Variants in HGSNAT observed in about 807,000 individuals in gnomAD.
HGSNAT encodes the protein heparan-alpha-glucosaminide N-acetyltransferase.
HGSNAT carries 59 observed loss-of-function variants against 85.2 expected under a neutral mutation model. The ratio of observed to expected loss-of-function variants is 0.69; its 90% CI spans 0.56 to 0.86. HGSNAT has a LOEUF of 0.86. Among genes scored for constraint, HGSNAT ranks in the 40% least tolerant of loss-of-function variants. HGSNAT has a pLI of 0.00. For synonymous variants in HGSNAT, 321 were observed against 304.5 expected (o/e 1.05, Z -0.56); for missense variants, 756 against 777.1 (o/e 0.97, Z 0.32).
At chr8:43,144,829 A>C (rs1802662363) in intron 1 of HGSNAT, among the ~76,000 whole-genome samples, 1 of 152,332 alleles carries the variant, frequency 6.6e-6, no homozygotes, top group African/African-American at 2.4e-5. Flanking sequence ...AAGAGAGGTT[A>C]GGGGTACTGG....
chr8:43,188,603 C>T (rs531720973), intron 11 of HGSNAT, among the ~76,000 whole-genome samples: 17 of 152,232 alleles, frequency 1.1e-4, no homozygotes, highest in South Asian at 8.3e-4. Flanking sequence ...TCCTTTAGCT[C>T]GGAGAAGTTT....
intron 1 of HGSNAT, among the ~76,000 whole-genome samples, 164 bp downstream of exon 1, chr8:43,140,778 C>T (rs1340368001): frequency 6.6e-6 from 1 of 151,968 alleles, no homozygotes; most frequent in East Asian, 1.9e-4. Flanking sequence ...CGCCCCAGAC[C>T]GGAGGCCGGA....
chr8:43,190,937 A>T (rs1347498620), intron 11 of HGSNAT, among the ~76,000 whole-genome samples: 1 of 152,046 alleles, frequency 6.6e-6, no homozygotes, highest in Non-Finnish European at 1.5e-5. Flanking sequence ...GCCCCAGGCA[A>T]CCCCAGCCTA....
chr8:43,192,814 T>A (rs989006148), intron 13 of HGSNAT, among the ~76,000 whole-genome samples: 1 of 151,360 alleles, frequency 6.6e-6, no homozygotes. Flanking sequence ...ATTGTGTAAA[T>A]GATCATAGCA....
chr8:43,188,099 G>A (rs1481235767), intron 11 of HGSNAT, among the ~76,000 whole-genome samples: 2 of 151,952 alleles, frequency 1.3e-5, no homozygotes, highest in Non-Finnish European at 2.9e-5. Flanking sequence ...TTCAACTTTG[G>A]TGAATCTGAC....
At chr8:43,184,806 T>C (rs550517668) in intron 11 of HGSNAT, among the ~76,000 whole-genome samples, 6 of 152,340 alleles carry the variant, frequency 3.9e-5, no homozygotes, top group Middle Eastern at 3.4e-3. Flanking sequence ...TGTGAATTAA[T>C]TTTTGTATAA....
At chr8:43,181,998 C>T (rs1039130734) in intron 10 of HGSNAT, 147 bp from the exon 11 acceptor site, 13 of 698,736 alleles carry the variant, frequency 1.9e-5, no homozygotes, top group African/African-American at 3.5e-5. Context: ...GTCTCTTGAC[C>T]GTATATATTT....
Position 43,196,959 on chromosome 8 carries a change from A to C in HGSNAT, c.1476A>C (p.Ile492=). 6.2e-7 allele frequency: 1 copy of C among 1,606,266 alleles called. No homozygotes were observed. Among genetic ancestry groups the C allele is most frequent in the Non-Finnish European group, 8.5e-7 (1 of 1,172,996 alleles). ...GTTATCTCCTCCAGGCAGGAAAAATACTATTGTATTACAAGGCTCGGACCA... is the reference window on the plus strand; with the variant it reads ...GTTATCTCCTCCAGGCAGGAAAAATCCTATTGTATTACAAGGCTCGGACCA... ...MAFLGVQAGK[I]LLYYKARTKD... is the part of the protein sequence containing the mutation. The change falls in exon 15 of 18, where the codon ATA becomes ATC. Residue 492 remains isoleucine (I), a synonymous_variant. Coordinates refer to ENST00000379644, the MANE Select transcript of HGSNAT (RefSeq NM_152419.3).
At chr8:43,169,078 A>G in intron 5 of HGSNAT, 95 bp from the exon 6 acceptor site, 1 of 630,074 alleles carries the variant, frequency 1.6e-6, no homozygotes. Context: ...AGTAATATAG[A>G]ATATGAGCTT....
At chr8:43,146,553 A>C (rs1437697926) in intron 1 of HGSNAT, among the ~76,000 whole-genome samples, 2 of 152,246 alleles carry the variant, frequency 1.3e-5, no homozygotes, top group Non-Finnish European at 2.9e-5. Flanking sequence ...AAGTGGGGAA[A>C]ATACCTAGCT....
At chr8:43,183,647 A>T (rs534216599) in intron 11 of HGSNAT, among the ~76,000 whole-genome samples, 7 of 151,620 alleles carry the variant, frequency 4.6e-5, no homozygotes, top group African/African-American at 7.3e-5. Context: ...ATTTTTTTTT[A>T]AATTATCCTT....
intron 2 of HGSNAT, among the ~76,000 whole-genome samples, chr8:43,148,634 C>CA (rs1432191388): frequency 6.7e-6 from 1 of 149,156 alleles, no homozygotes; most frequent in African/African-American, 2.5e-5. Flanking sequence ...TTAAAAAATA[C>CA]AAAAAATTAC....
In HGSNAT at chr8:43,175,582, T is replaced by C. The variant is rs942383317; in HGVS notation, c.851+1839T>C. Among the ~76,000 whole-genome samples, 11 of 146,358 alleles carry C rather than the reference T, an allele frequency of 7.5e-5. No individual in the cohort carries two copies. In the East Asian group the frequency reaches 9.8e-4, roughly 13 times the overall value. ...CTTTTTTTTTTTTTTTTTTTTTTTT[T>C]CAAGATGAAGTCTTGCTCTGTAGCC... On this transcript the variant is annotated intron_variant, in intron 9 of 17. Coordinates refer to ENST00000379644, the MANE Select transcript of HGSNAT (RefSeq NM_152419.3).
chr8:43,172,544 G>C (rs1225798607), intron 8 of HGSNAT, among the ~76,000 whole-genome samples, 158 bp downstream of exon 8: 2 of 152,214 alleles, frequency 1.3e-5, no homozygotes, highest in African/African-American at 4.8e-5. Context: ...GTGACCTGTA[G>C]ATGATTCTGC....
intron 9 of HGSNAT, among the ~76,000 whole-genome samples, chr8:43,175,296 T>G (rs991572252): frequency 1.3e-5 from 2 of 152,302 alleles, no homozygotes; most frequent in Middle Eastern, 3.4e-3. Context: ...TTGAGGAACC[T>G]CTAACCTATT....
Position 43,199,653 on chromosome 8 carries a change from C to A in HGSNAT, c.*84C>A. The stretch of plus-strand genomic sequence containing the variant: ...GCAGCCTTTGTTAAAGGGAAGCATT[C>A]ATTAGGAAATTGACTGGCTGCGTGT... On this transcript the variant is annotated 3_prime_UTR_variant, in exon 18 of 18. Transcript: ENST00000379644. 9.2e-7 allele frequency: 1 copy of A among 1,083,250 alleles called. No homozygotes were observed. The highest frequency in any genetic ancestry group is 1.3e-6 in the Non-Finnish European group (1 of 795,536). The allele number at this position is 1,083,250 out of a possible 1,614,324, so 67.1% of individuals were successfully genotyped here. A position where few individuals can be genotyped will look rare whatever the true frequency, so the allele number is the denominator to read the frequency against.
intron 1 of HGSNAT, among the ~76,000 whole-genome samples, chr8:43,143,632 G>A (rs1432373840): frequency 2.0e-5 from 3 of 151,832 alleles, no homozygotes; most frequent in African/African-American, 7.3e-5. Context: ...CCGCCTCCTG[G>A]GTTCACACCA....
At chr8:43,152,708 C>T (rs938766531) in intron 2 of HGSNAT, among the ~76,000 whole-genome samples, 2 of 151,726 alleles carry the variant, frequency 1.3e-5, no homozygotes, top group Non-Finnish European at 2.9e-5. Flanking sequence ...TCTCCTGCCT[C>T]GGCCTCCCAA....
chr8:43,190,234 C>T (rs546828358), intron 11 of HGSNAT, among the ~76,000 whole-genome samples: 4 of 152,166 alleles, frequency 2.6e-5, no homozygotes, highest in Non-Finnish European at 5.9e-5. Context: ...CTTTCCCCCA[C>T]CCACCATTAG....
Sources: allele counts gnomAD v4.1 joint callset (sites outside exome capture counted in the v4.1 genomes callset), GRCh38; gene constraint gnomAD v4.1.1; transcripts MANE v1.5; gene names NCBI Gene and HGNC (gene_info 2026-07-23, HGNC 2026-07-21).